Variants in DGLUCY observed in about 807,000 individuals in gnomAD.
The protein encoded by DGLUCY is D-glutamate cyclase.
A neutral mutation model predicts 58.5 loss-of-function variants in DGLUCY; 58 were observed. The observed-to-expected ratio is 0.99, with a 90% CI of 0.80 to 1.23. DGLUCY has a LOEUF of 1.23. DGLUCY is among the 50% of genes most tolerant of loss of function. DGLUCY has a pLI of 0.00. For synonymous variants in DGLUCY, 325 were observed against 314.1 expected (o/e 1.03, Z -0.37); for missense variants, 779 against 784.7 (o/e 0.99, Z 0.09).
At chr14:91,192,055 G>T (rs1399030531) in intron 9 of DGLUCY, among the ~76,000 whole-genome samples, 1 of 152,178 alleles carries the variant, frequency 6.6e-6, no homozygotes, top group African/African-American at 2.4e-5. Flanking sequence ...GACTCAAGAG[G>T]TATTTGTTCC....
chr14:91,068,113 A>ACACACACC (rs1471593010), intron 1 of DGLUCY, among the ~76,000 whole-genome samples: 4 of 145,404 alleles, frequency 2.8e-5, no homozygotes, highest in Non-Finnish European at 5.9e-5. Context: ...ACACACACAC[A>ACACACACC]CACCCCTTGC....
At chr14:91,174,908 C>G (rs146877590) in intron 6 of DGLUCY, among the ~76,000 whole-genome samples, 1 of 152,236 alleles carries the variant, frequency 6.6e-6, no homozygotes, top group East Asian at 1.9e-4. Flanking sequence ...GAAACCCCTA[C>G]AAATTTGGTC....
chr14:91,188,986 AGTGCTCATCACCACTGG>A lies in DGLUCY; in HGVS notation c.1014_1030del (p.Leu339ProfsTer7). The A allele has an allele frequency of 6.2e-7, 1 of 1,614,232 alleles. No individual in the cohort carries two copies. The highest frequency in any genetic ancestry group is 8.5e-7 in the Non-Finnish European group (1 of 1,180,042). On this transcript the variant is annotated frameshift_variant, in exon 9 of 14. Transcript: ENST00000256324. LOFTEE classifies it high-confidence loss of function. Reference sequence around the variant, plus strand: ...CTCTCTCGCTGTCCCATGCCCGCTCAGTGCTCATCACCACTGGGTTCCCCACACATTTCAATCATGAG... The same window carrying A: ...CTCTCTCGCTGTCCCATGCCCGCTCAGTTCCCCACACATTTCAATCATGAG...
intron 8 of DGLUCY, among the ~76,000 whole-genome samples, chr14:91,184,633 AAGGGAGGG>A (rs1227145070): frequency 2.6e-4 from 12 of 46,598 alleles, no homozygotes; most frequent in African/African-American, 1.1e-3. Flanking sequence ...GGAAGGAAGG[AAGGGAGGG>A]AGGGAGGGAG....
At chr14:91,155,850 CA>C (rs1224440400) in intron 1 of DGLUCY, among the ~76,000 whole-genome samples, 2 of 151,786 alleles carry the variant, frequency 1.3e-5, no homozygotes, top group East Asian at 3.9e-4. Flanking sequence ...GCCTCTCTTC[CA>C]TCAGGGCCAC....
chr14:91,185,300 T>TTTTTTTG (rs2049442640), intron 8 of DGLUCY, among the ~76,000 whole-genome samples: 2 of 113,796 alleles, frequency 1.8e-5, no homozygotes, highest in Non-Finnish European at 3.8e-5. Flanking sequence ...TTTTTTTTTT[T>TTTTTTTG]GAGACAGGTT....
intron 1 of DGLUCY, among the ~76,000 whole-genome samples, chr14:91,087,723 A>G (rs751868016): frequency 5.3e-5 from 8 of 152,168 alleles, no homozygotes; most frequent in African/African-American, 1.2e-4. Flanking sequence ...ATTCCAGCCA[A>G]TGGAAACTGG....
intron 3 of DGLUCY, among the ~76,000 whole-genome samples, chr14:91,164,199 C>G (rs559046210): frequency 6.6e-6 from 1 of 152,174 alleles, no homozygotes; most frequent in Non-Finnish European, 1.5e-5. Flanking sequence ...ATCTGCCAAC[C>G]TCGGCCTCCC....
intron 1 of DGLUCY, among the ~76,000 whole-genome samples, chr14:91,137,644 C>T (rs971605711): frequency 3.3e-5 from 5 of 151,900 alleles, no homozygotes; most frequent in Admixed American, 2.0e-4. Flanking sequence ...ATCCGCCCGC[C>T]TTAGCCTCCC....
chr14:91,118,233 C>T (rs1184173006), intron 1 of DGLUCY, among the ~76,000 whole-genome samples: 6 of 151,772 alleles, frequency 4.0e-5, no homozygotes, highest in Non-Finnish European at 2.9e-5. Flanking sequence ...GGCACCACCA[C>T]CCCCACCACG....
chr14:91,061,957 T>C (rs1048449677), intron 1 of DGLUCY, among the ~76,000 whole-genome samples: 7 of 152,134 alleles, frequency 4.6e-5, no homozygotes, highest in South Asian at 2.1e-4. Context: ...AGATGTACAG[T>C]TGGACGTAAT....
intron 1 of DGLUCY, among the ~76,000 whole-genome samples, chr14:91,075,573 C>T (rs1224143033): frequency 6.6e-6 from 1 of 152,132 alleles, no homozygotes. Flanking sequence ...TAAGTGCGTC[C>T]TCCAGGGTTG....
chr14:91,086,558 G>C (rs142061168), intron 1 of DGLUCY, among the ~76,000 whole-genome samples: 1,945 of 152,108 alleles, frequency 0.013, 42 homozygotes, highest in African/African-American at 0.044. Context: ...AAAAAAGCCT[G>C]TACATGTTCA....
At chr14:91,087,972 G>A (rs2044249832) in intron 1 of DGLUCY, among the ~76,000 whole-genome samples, 1 of 152,184 alleles carries the variant, frequency 6.6e-6, no homozygotes, top group Admixed American at 6.5e-5. Context: ...GCCCAGGGAT[G>A]GAGCCTCTAA....
chr14:91,079,741 A>G (rs2044092923), intron 1 of DGLUCY, among the ~76,000 whole-genome samples: 1 of 152,236 alleles, frequency 6.6e-6, no homozygotes, highest in Non-Finnish European at 1.5e-5. Context: ...CTCACATATC[A>G]AATTGTTGTA....
At chr14:91,196,159 G>T (rs1338490942) in intron 9 of DGLUCY, among the ~76,000 whole-genome samples, 2 of 152,118 alleles carry the variant, frequency 1.3e-5, no homozygotes, top group East Asian at 1.9e-4. Context: ...GCCCGATTCT[G>T]CCCTCCACCC....
intron 1 of DGLUCY, among the ~76,000 whole-genome samples, chr14:91,153,572 T>C (rs1274911600): frequency 6.6e-6 from 1 of 152,186 alleles, no homozygotes; most frequent in African/African-American, 2.4e-5. Context: ...GAAAGGCTTG[T>C]CTTCTCTGAA....
At chr14:91,157,293 A>AGATGGATGGATGAATGGGTGGATG (rs2047715192) in intron 1 of DGLUCY, among the ~76,000 whole-genome samples, 1 of 126,960 alleles carries the variant, frequency 7.9e-6, no homozygotes, top group Non-Finnish European at 1.7e-5. Context: ...GTGGGTGGAT[A>AGATGGATGGATGAATGGGTGGATG]GATGGATGGA....
At chr14:91,189,958 G>C (rs1382012528) in intron 9 of DGLUCY, among the ~76,000 whole-genome samples, 1 of 148,468 alleles carries the variant, frequency 6.7e-6, no homozygotes, top group Non-Finnish European at 1.5e-5. Context: ...TCGAGTATGT[G>C]CCAGGCACTC....
Sources: allele counts gnomAD v4.1 joint callset (sites outside exome capture counted in the v4.1 genomes callset), GRCh38; gene constraint gnomAD v4.1.1; transcripts MANE v1.5; gene names NCBI Gene and HGNC (gene_info 2026-07-23, HGNC 2026-07-21).